PRDM16: variants seen among roughly 807,000 people sequenced by gnomAD.
PRDM16 encodes histone-lysine N-methyltransferase PRDM16.
A neutral mutation model predicts 110.6 loss-of-function variants in PRDM16; 23 were observed. The ratio of observed to expected loss-of-function variants is 0.21; its 90% CI spans 0.15 to 0.29. The LOEUF (loss-of-function observed/expected upper bound fraction) is 0.29. PRDM16 is among the 10% of genes least tolerant of loss of function. The pLI, the probability that PRDM16 is intolerant of heterozygous loss-of-function variation, is 1.00. For synonymous variants in PRDM16, 799 were observed against 781.8 expected (o/e 1.02, Z -0.37); for missense variants, 1,615 against 1,794.3 (o/e 0.90, Z 1.81).
chr1:3,304,625 T>A (rs2100398471), intron 3 of PRDM16, among the ~76,000 whole-genome samples: 1 of 152,274 alleles, frequency 6.6e-6, no homozygotes, highest in East Asian at 1.9e-4. Flanking sequence ...AGTGCATTGC[T>A]TTATGTCCCC....
At chr1:3,413,605 G>A (rs1643731545) in intron 9 of PRDM16, among the ~76,000 whole-genome samples, 1 of 152,182 alleles carries the variant, frequency 6.6e-6, no homozygotes, top group Admixed American at 6.5e-5. Flanking sequence ...AGGAGACCCT[G>A]AGCAAGTCCT....
intron 3 of PRDM16, among the ~76,000 whole-genome samples, chr1:3,373,765 C>A (rs1642946466): frequency 6.6e-6 from 1 of 152,208 alleles, no homozygotes; most frequent in African/African-American, 2.4e-5. Context: ...AGAAAAACAG[C>A]AGGGATTGCA....
intron 3 of PRDM16, among the ~76,000 whole-genome samples, chr1:3,367,946 CTA>C (rs1347113836): frequency 6.6e-6 from 1 of 152,136 alleles, no homozygotes; most frequent in Non-Finnish European, 1.5e-5. Context: ...GAGAGGAAGA[CTA>C]AACAAAAGCA....
intron 2 of PRDM16, among the ~76,000 whole-genome samples, chr1:3,194,469 A>G (rs1638403185): frequency 6.6e-6 from 1 of 152,128 alleles, no homozygotes; most frequent in Non-Finnish European, 1.5e-5. Flanking sequence ...GGGGTAGACC[A>G]TGGCAGGTGC....
chr1:3,414,773 G>A (rs1305801323), intron 10 of PRDM16, 126 bp downstream of exon 10: 2 of 685,056 alleles, frequency 2.9e-6, no homozygotes, highest in East Asian at 2.7e-5. Flanking sequence ...ACGCACAGAC[G>A]CCCTCAAAGG....
chr1:3,143,701 T>A lies in PRDM16; in HGVS notation c.38-42424T>A, dbSNP rs989331408. On this transcript the variant is annotated intron_variant, in intron 1 of 16. Coordinates refer to ENST00000270722, the MANE Select transcript of PRDM16 (RefSeq NM_022114.4). This position sits in a 1 kb window ranked among gnomAD's most constrained non-coding sequence, Gnocchi z 4.5. ...CATTGTGGTCAGGCCAGTCTTGAAC[T>A]CCTGACCTCAGGTGATCCTCCCGCC... 1.4e-4 allele frequency among the ~76,000 whole-genome samples: 21 copies of A among 152,196 alleles called. No homozygotes were observed. The highest frequency in any genetic ancestry group is 6.5e-4 in the Admixed American group (10 of 15,282).
intron 1 of PRDM16, among the ~76,000 whole-genome samples, chr1:3,129,265 CAT>C (rs200894389): frequency 0.012 from 1,682 of 145,620 alleles, 40 homozygotes; most frequent in African/African-American, 0.04. Flanking sequence ...TGGGTGTGTA[CAT>C]GTGTGTGTGT....
chr1:3,146,444 G>A (rs75467184), intron 1 of PRDM16, among the ~76,000 whole-genome samples: 2,050 of 152,096 alleles, frequency 0.013, 98 homozygotes, highest in East Asian at 0.11. Context: ...GGGTGTGTGT[G>A]CACATGTGTT....
chr1:3,181,244 AGT>A (rs1644167716), intron 1 of PRDM16, among the ~76,000 whole-genome samples: 1 of 48,566 alleles, frequency 2.1e-5, no homozygotes, highest in South Asian at 1.0e-3. Context: ...TCTTACACAC[AGT>A]CTTACACACG....
intron 3 of PRDM16, among the ~76,000 whole-genome samples, chr1:3,379,655 G>C (rs1387281378): frequency 1.1e-3 from 4 of 3,592 alleles, no homozygotes; most frequent in Non-Finnish European, 8.6e-4. Flanking sequence ...TCCCAACACA[G>C]CCCTCCCAGC....
At chr1:3,114,267 T>C (rs6695017) in intron 1 of PRDM16, among the ~76,000 whole-genome samples, 24,374 of 117,426 alleles carry the variant, frequency 0.21, 2,897 homozygotes, top group African/African-American at 0.38. Flanking sequence ...CGCGCACACG[T>C]ACACACACGC....
chr1:3,285,105 C>T (rs1442815318), intron 3 of PRDM16, among the ~76,000 whole-genome samples: 2 of 152,202 alleles, frequency 1.3e-5, no homozygotes, highest in East Asian at 3.9e-4. Context: ...AGTTCTGGGC[C>T]AGCCCCCAGC....
intron 1 of PRDM16, among the ~76,000 whole-genome samples, chr1:3,086,155 C>T (rs1164984968): frequency 1.3e-5 from 2 of 152,138 alleles, no homozygotes; most frequent in Admixed American, 6.5e-5. Context: ...GTCCCCTCCT[C>T]TCAGGGCAGG....
At chr1:3,415,966 T>G (rs138091228) in intron 10 of PRDM16, among the ~76,000 whole-genome samples, 7 of 152,326 alleles carry the variant, frequency 4.6e-5, no homozygotes, top group Admixed American at 1.3e-4. Context: ...GCCCAGTTGA[T>G]GGCTCAGGGA....
In PRDM16 at chr1:3,181,755, C is replaced by T. The variant is rs1250794285; in HGVS notation, c.38-4370C>T. The stretch of plus-strand genomic sequence containing the variant: ...GGTCTTACACACGGAGTCTTACACA[C>T]GGTCTTACACACAGTCTTACACATG... On this transcript the variant is annotated intron_variant, in intron 1 of 16. Coordinates refer to ENST00000270722, the MANE Select transcript of PRDM16 (RefSeq NM_022114.4). Among the ~76,000 whole-genome samples the T allele has an allele frequency of 2.8e-4, 41 of 147,590 alleles. 1 individual carries two copies. The highest frequency in any genetic ancestry group is 4.3e-4 in the Non-Finnish European group (29 of 67,410).
intron 11 of PRDM16, 119 bp downstream of exon 11, chr1:3,418,116 C>G (rs1411382981): frequency 2.5e-6 from 2 of 806,974 alleles, no homozygotes; most frequent in Non-Finnish European, 3.9e-6. Context: ...AAGCACAGCA[C>G]TGCAATCAGC....
intron 2 of PRDM16, among the ~76,000 whole-genome samples, chr1:3,195,602 AG>A (rs1422744902): frequency 6.8e-6 from 1 of 147,814 alleles, no homozygotes. Flanking sequence ...CCCCTGTCCC[AG>A]TGACACCCAG....
intron 2 of PRDM16, among the ~76,000 whole-genome samples, chr1:3,226,070 G>T (rs1484433216): frequency 6.6e-6 from 1 of 152,228 alleles, no homozygotes; most frequent in Non-Finnish European, 1.5e-5. Context: ...GCCCTCCCAG[G>T]ACCCTTGGGT....
chr1:3,411,630 T>C lies in PRDM16; in HGVS notation c.1433T>C (p.Leu478Pro). 1 of 1,613,758 alleles carries C rather than the reference T, an allele frequency of 6.2e-7. No homozygotes were observed. The highest frequency in any genetic ancestry group is 1.7e-5 in the Admixed American group (1 of 60,024). ...MMDKAKPSPS[L>P]NHASLGFNEY... is the part of the protein sequence containing the mutation. Reference sequence around the variant, plus strand: ...GACAAGGCAAAACCCTCCCCCAGCCTCAATCACGCCAGCCTGGGCTTCAAC... The same window carrying C: ...GACAAGGCAAAACCCTCCCCCAGCCCCAATCACGCCAGCCTGGGCTTCAAC... Residue 478 changes from leucine to proline, a missense_variant, in exon 9 of 17, where the codon CTC becomes CCC. Physicochemically the swap from Leu to Pro is moderately conservative, Grantham distance 98 (BLOSUM62 -3). Coordinates refer to ENST00000270722, the MANE Select transcript of PRDM16 (RefSeq NM_022114.4).
Sources: allele counts gnomAD v4.1 joint callset (sites outside exome capture counted in the v4.1 genomes callset), GRCh38; gene constraint gnomAD v4.1.1; non-coding constraint Gnocchi (gnomAD v3.1); transcripts MANE v1.5; gene names NCBI Gene and HGNC (gene_info 2026-07-23, HGNC 2026-07-21).